Variants in HPRT1 observed in about 807,000 individuals in gnomAD.
The protein encoded by HPRT1 is hypoxanthine phosphoribosyltransferase 1.
A neutral mutation model predicts 19.0 loss-of-function variants in HPRT1; 4 were observed. That is an observed-to-expected ratio of 0.21 (90% CI 0.10 to 0.48). The LOEUF is 0.48. HPRT1 is among the 20% of genes least tolerant of loss of function. The pLI is 0.98. For missense variants in HPRT1, 65 were observed against 164.0 expected (o/e 0.40, Z 3.30); for synonymous variants, 53 against 54.9 (o/e 0.97, Z 0.15).
chrX:134,473,091 T>C (rs1365445154), intron 1 of HPRT1, among the ~76,000 whole-genome samples: 1 of 110,422 alleles, frequency 9.1e-6, no homozygotes, highest in Non-Finnish European at 1.9e-5. Context: ...GATTTCACCG[T>C]GTTGCCCAGG....
At chrX:134,493,233 T>A (rs2077672250) in intron 5 of HPRT1, among the ~76,000 whole-genome samples, 1 of 111,574 alleles carries the variant, frequency 9.0e-6, no homozygotes, top group Non-Finnish European at 1.9e-5. Flanking sequence ...CTTTTTATAA[T>A]GAAGGACAAC....
intron 1 of HPRT1, among the ~76,000 whole-genome samples, chrX:134,462,478 G>A (rs768511619): frequency 1.7e-4 from 19 of 111,868 alleles, no homozygotes; most frequent in Non-Finnish European, 3.0e-4. Flanking sequence ...CACTGCGCCC[G>A]GCCTAATATT....
rs750137192 is a variant in HPRT1, at chrX:134,486,442, T to G, written c.319-23T>G. On this transcript the variant is annotated intron_variant, in intron 3 of 8. Transcript: ENST00000298556. ...ATGTGTGTGTAGATATATATATATA[T>G]AGTTTTTTTTTTTTTTAACTAGAAT... 2.3e-5 allele frequency: 19 copies of G among 825,288 alleles called. No individual in the cohort carries two copies. In the African/African-American group the frequency reaches 3.2e-4, roughly 14 times the overall value. The allele number at this position is 825,288 out of a possible 1,213,427, so 68.0% of individuals were successfully genotyped here.
At chrX:134,497,344 T>A (rs1267876735) in intron 6 of HPRT1, among the ~76,000 whole-genome samples, 1 of 110,212 alleles carries the variant, frequency 9.1e-6, no homozygotes, top group African/African-American at 3.3e-5. Flanking sequence ...AAAAAGAATG[T>A]TGTGAGGCCG....
chrX:134,482,310 C>T lies in HPRT1; in HGVS notation c.319-4155C>T, dbSNP rs752362374. On this transcript the variant is annotated intron_variant, in intron 3 of 8. Coordinates refer to ENST00000298556, the MANE Select transcript of HPRT1 (RefSeq NM_000194.3). ...GCTTAAGCGATCCTCCCACCTCAGC[C>T]TCCCAAAGTGCTAGGATTACAGGCA... Among the ~76,000 whole-genome samples the T allele has an allele frequency of 6.2e-5, 7 of 112,157 alleles. No homozygotes were observed. In the Admixed American group the frequency reaches 6.6e-4, roughly 11 times the overall value.
intron 6 of HPRT1, among the ~76,000 whole-genome samples, chrX:134,496,632 C>G (rs1020238686): frequency 2.7e-5 from 3 of 112,092 alleles, no homozygotes; most frequent in African/African-American, 9.7e-5. Flanking sequence ...AGTGTCTCCT[C>G]TCTCCATTTA....
chrX:134,486,863 A>T (rs750642509), intron 4 of HPRT1, among the ~76,000 whole-genome samples: 1 of 108,651 alleles, frequency 9.2e-6, no homozygotes, highest in Non-Finnish European at 1.9e-5. Flanking sequence ...TGTGAGGTAG[A>T]CTCACATAGT....
At chrX:134,490,130 A>G in intron 4 of HPRT1, 58 bp from the exon 5 acceptor site, 1 of 766,312 alleles carries the variant, frequency 1.3e-6, no homozygotes, top group South Asian at 2.3e-5. Flanking sequence ...GATTTGACTT[A>G]TAATTGGAAA....
rs368409810 is a variant in HPRT1 at position 134,471,027 on chromosome X, C to A, written c.28-2332C>A. Among the ~76,000 whole-genome samples the A allele has an allele frequency of 2.0e-4, 22 of 108,607 alleles. 1 individual carries two copies. The East Asian group carries it at 3.2e-3, about 16-fold the overall frequency. 94.3% of individuals were successfully genotyped at this position (108,607 alleles called of 115,157 possible). On this transcript the variant is annotated intron_variant, in intron 1 of 8. Transcript: ENST00000298556. Reference sequence around the variant, plus strand: ...ACCCACCCACCCTTCCTCCTTACTCCCTCCCTCCCTTCCCAATCTTTTTAT... The same window carrying A: ...ACCCACCCACCCTTCCTCCTTACTCACTCCCTCCCTTCCCAATCTTTTTAT...
intron 3 of HPRT1, among the ~76,000 whole-genome samples, chrX:134,475,971 G>C (rs777980168): frequency 8.9e-6 from 1 of 111,949 alleles, no homozygotes; most frequent in South Asian, 3.7e-4. Context: ...TTCATAATTT[G>C]ATCGTGCAAA....
At chrX:134,462,116 A>T (rs2077585783) in intron 1 of HPRT1, among the ~76,000 whole-genome samples, 1 of 111,389 alleles carries the variant, frequency 9.0e-6, no homozygotes, top group Non-Finnish European at 1.9e-5. Flanking sequence ...TCAGCCTCCC[A>T]AGTAGCTGGG....
At chrX:134,464,501 A>C (rs1235565551) in intron 1 of HPRT1, among the ~76,000 whole-genome samples, 1 of 112,062 alleles carries the variant, frequency 8.9e-6, no homozygotes, top group Non-Finnish European at 1.9e-5. Flanking sequence ...AATATTACTC[A>C]TTACTAGGAA....
At chrX:134,479,337 T>C (rs1569356118) in intron 3 of HPRT1, among the ~76,000 whole-genome samples, 2 of 111,076 alleles carry the variant, frequency 1.8e-5, no homozygotes, top group Non-Finnish European at 3.8e-5. Flanking sequence ...TGGCGTGATC[T>C]CAGCTCACTG....
intron 1 of HPRT1, among the ~76,000 whole-genome samples, chrX:134,465,333 T>A (rs1417197193): frequency 2.7e-5 from 3 of 111,594 alleles, no homozygotes; most frequent in Admixed American, 9.6e-5. Flanking sequence ...TAATTTTAGA[T>A]AATATAGCTT....
intron 8 of HPRT1, among the ~76,000 whole-genome samples, chrX:134,499,568 G>C (rs982186030): frequency 7.2e-5 from 8 of 111,355 alleles, no homozygotes; most frequent in Non-Finnish European, 1.1e-4. Flanking sequence ...ACTTTGGGAG[G>C]CTGAGGCGGG....
At chrX:134,486,340 G>A in intron 3 of HPRT1, 125 bp from the exon 4 acceptor site, 1 of 319,265 alleles carries the variant, frequency 3.1e-6, no homozygotes. Flanking sequence ...ATGGATATTA[G>A]CTAGCTAACT....
rs962389581 is a variant in HPRT1 at position 134,469,636 on chromosome X, G to A, written c.28-3723G>A. Among the ~76,000 whole-genome samples the A allele has an allele frequency of 7.2e-5, 8 of 111,807 alleles. No individual in the cohort carries two copies. In the East Asian group the frequency reaches 1.7e-3, roughly 24 times the overall value. ...AACCATTTTGATAGATGCAGTAATC[G>A]TTGCAAGTGTATATTTCAAGGAGTT... On this transcript the variant is annotated intron_variant, in intron 1 of 8. Transcript: ENST00000298556.
chrX:134,472,800 C>G (rs943066027), intron 1 of HPRT1, among the ~76,000 whole-genome samples: 3 of 111,415 alleles, frequency 2.7e-5, no homozygotes, highest in African/African-American at 9.8e-5. Flanking sequence ...GTCTGGAACT[C>G]CTGACCTCAG....
intron 2 of HPRT1, among the ~76,000 whole-genome samples, chrX:134,474,970 A>G (rs1168968539): frequency 4.5e-5 from 5 of 110,543 alleles, no homozygotes; most frequent in African/African-American, 1.6e-4. Flanking sequence ...CAGCCTCAAC[A>G]TCCTGCACTA....
Sources: gnomAD v4.1 joint callset for allele counts (sites outside exome capture counted in the v4.1 genomes callset) on GRCh38, gnomAD v4.1.1 for gene constraint, MANE v1.5 for transcripts, NCBI Gene and HGNC (gene_info 2026-07-23, HGNC 2026-07-21) for gene names.